FRYL: variants seen among roughly 807,000 people sequenced by gnomAD.
The protein encoded by FRYL is FRY like transcription coactivator, also known as protein furry homolog-like.
In FRYL, 150 loss-of-function variants were observed where a neutral mutation model predicts 351.2. The observed-to-expected ratio is 0.43, with a 90% CI of 0.37 to 0.49. FRYL has a LOEUF of 0.49. FRYL is among the 20% of genes least tolerant of loss of function. FRYL has a pLI of 0.00. For missense variants in FRYL, 3,036 were observed against 3,619.3 expected (o/e 0.84, Z 4.13); for synonymous variants, 1,153 against 1,257.1 (o/e 0.92, Z 1.75).
intron 53 of FRYL, among the ~76,000 whole-genome samples, chr4:48,525,766 A>G (rs1471072876): frequency 6.6e-6 from 1 of 151,944 alleles, no homozygotes; most frequent in Admixed American, 6.6e-5. Context: ...GATGTGTATG[A>G]TCTGTATGAG....
chr4:48,744,221 T>G (rs2149653270), intron 1 of FRYL, among the ~76,000 whole-genome samples: 1 of 152,300 alleles, frequency 6.6e-6, no homozygotes, highest in South Asian at 2.1e-4. Context: ...AATTAGACAT[T>G]GGTGATAGTT....
At chr4:48,713,775 T>C (rs559663670) in intron 1 of FRYL, among the ~76,000 whole-genome samples, 44 of 152,272 alleles carry the variant, frequency 2.9e-4, no homozygotes, top group African/African-American at 6.3e-4. Context: ...GCAGACCTAA[T>C]AGACATCGAC....
intron 3 of FRYL, among the ~76,000 whole-genome samples, chr4:48,671,879 A>AAC (rs1762809164): frequency 2.0e-5 from 3 of 146,538 alleles, no homozygotes; most frequent in East Asian, 2.0e-4. Context: ...AAAACAAAAA[A>AAC]AAAAAAAAAA....
intron 3 of FRYL, among the ~76,000 whole-genome samples, chr4:48,642,255 A>ACTTG (rs1230389408): frequency 2.6e-5 from 4 of 152,278 alleles, no homozygotes; most frequent in African/African-American, 4.8e-5. Context: ...TTTCAAGCTT[A>ACTTG]TGCATGCCTT....
Position 48,497,903 on chromosome 4 carries a change from C to A in FRYL, c.*1519G>T, listed in dbSNP as rs932072884. The A allele has an allele frequency of 6.6e-6, 1 of 152,546 alleles. No homozygotes were observed. The highest frequency in any genetic ancestry group is 2.4e-5 in the African/African-American group (1 of 41,424). The allele number at this position is 152,546 out of a possible 1,614,324, so 9.4% of individuals were successfully genotyped here. A position where few individuals can be genotyped will look rare whatever the true frequency, so the allele number is the denominator to read the frequency against. Reference sequence around the variant, plus strand: ...CACTTGAGCATACGTAATTACATTTCTGGCAGGGTCCACACCCCCCAAGAA... The same window carrying A: ...CACTTGAGCATACGTAATTACATTTATGGCAGGGTCCACACCCCCCAAGAA... On this transcript the variant is annotated 3_prime_UTR_variant, in exon 64 of 64. Transcript: ENST00000358350.
chr4:48,676,133 G>A (rs1469679301), intron 3 of FRYL, among the ~76,000 whole-genome samples: 1 of 152,130 alleles, frequency 6.6e-6, no homozygotes, highest in African/African-American at 2.4e-5. Flanking sequence ...ATGTGGGTGG[G>A]GCCAGATAAG....
chr4:48,609,920 T>A, intron 7 of FRYL, 97 bp from the exon 8 acceptor site: 1 of 565,748 alleles, frequency 1.8e-6, no homozygotes, highest in Non-Finnish European at 3.1e-6. Context: ...TCAATCTTAA[T>A]GTTCATGGGA....
In FRYL at chr4:48,764,450, G is replaced by C. The variant is rs182045646; in HGVS notation, c.-384+15628C>G. On this transcript the variant is annotated intron_variant, in intron 1 of 63. Coordinates refer to ENST00000358350, the MANE Select transcript of FRYL (RefSeq NM_015030.2). ...GGAGGCTGACACAGGAGGATCACTT[G>C]AGCCCAGGAGGTCAAGGCTCCAGTG... is the stretch of plus-strand genomic sequence containing the variant. Among the ~76,000 whole-genome samples, 568 of 151,410 alleles carry C rather than the reference G, an allele frequency of 3.8e-3. 2 individuals carry two copies. Among genetic ancestry groups the C allele is most frequent in the Non-Finnish European group, 6.8e-3 (465 of 67,892 alleles).
At chr4:48,685,364 T>C (rs1765042918) in intron 2 of FRYL, among the ~76,000 whole-genome samples, 1 of 152,178 alleles carries the variant, frequency 6.6e-6, no homozygotes, top group Non-Finnish European at 1.5e-5. Context: ...TGTGACCATA[T>C]CTCTTAAATA....
intron 3 of FRYL, among the ~76,000 whole-genome samples, chr4:48,659,538 G>A (rs1199217296): frequency 1.0e-3 from 1 of 980 alleles, no homozygotes; most frequent in African/African-American, 1.1e-3. Flanking sequence ...AAGGAGAAGA[G>A]GGAGAAGGAG....
At chr4:48,516,291 T>C (rs1723580046) in intron 55 of FRYL, among the ~76,000 whole-genome samples, 1 of 152,208 alleles carries the variant, frequency 6.6e-6, no homozygotes, top group African/African-American at 2.4e-5. Context: ...CTATCCACCG[T>C]AATGTTACTG....
chr4:48,553,324 C>T lies in FRYL; in HGVS notation c.4326G>A (p.Leu1442=). The change falls in exon 36 of 64, where the codon CTG becomes CTA. Residue 1442 remains leucine, a synonymous_variant. Coordinates refer to ENST00000358350, the MANE Select transcript of FRYL (RefSeq NM_015030.2). ...RDKTMQLLEE[L]VSELQLTDPV... ...GATCGGTCAGCTGAAGCTCACTCAC[C>T]AGCTCTTCTAGCAACTGCATTGTTT... 2 of 1,612,676 alleles carry T rather than the reference C, an allele frequency of 1.2e-6. No individual in the cohort carries two copies. The highest frequency in any genetic ancestry group is 1.7e-6 in the Non-Finnish European group (2 of 1,178,962).
At chr4:48,737,543 A>C (rs528082557) in intron 1 of FRYL, among the ~76,000 whole-genome samples, 1 of 152,316 alleles carries the variant, frequency 6.6e-6, no homozygotes, top group South Asian at 2.1e-4. Flanking sequence ...AATTCTACCA[A>C]ACTTTTAAAA....
At chr4:48,512,823 A>G in intron 56 of FRYL, 135 bp from the exon 57 acceptor site, 1 of 623,990 alleles carries the variant, frequency 1.6e-6, no homozygotes, top group Non-Finnish European at 2.8e-6. Context: ...AATGTACAAC[A>G]ACCTAAATCT....
intron 1 of FRYL, among the ~76,000 whole-genome samples, chr4:48,711,010 T>C (rs1430837263): frequency 6.6e-6 from 1 of 152,062 alleles, no homozygotes; most frequent in Admixed American, 6.5e-5. Flanking sequence ...TACCTTGCCA[T>C]GAAAAGGAAT....
At position 48,531,762 on chromosome 4, in the gene FRYL, A is replaced by T. The variant is rs191724631; in HGVS notation, c.6706-409T>A. On this transcript the variant is annotated intron_variant, in intron 49 of 63. Transcript: ENST00000358350. ...GTATTTTAAGTCTTTGCAGATAAAAATTTTTTAACGAATACCTTCCTTTTT... is the reference window on the plus strand; with the variant it reads ...GTATTTTAAGTCTTTGCAGATAAAATTTTTTTAACGAATACCTTCCTTTTT... 1.6e-3 allele frequency among the ~76,000 whole-genome samples: 251 copies of T among 152,336 alleles called. 1 individual carries two copies. The highest frequency in any genetic ancestry group is 5.6e-3 in the African/African-American group (234 of 41,594).
rs750449766 is a variant in FRYL at position 48,557,591 on chromosome 4, T to C, written c.3987A>G (p.Arg1329=). 7 of 1,614,216 alleles carry C rather than the reference T, an allele frequency of 4.3e-6. No individual in the cohort carries two copies. Among genetic ancestry groups the C allele is most frequent in the Middle Eastern group, 1.6e-4 (1 of 6,062 alleles). ...VDLKPLPTAR[R]HDEDEDDSLK... ...AGGAATCATCTTCATCTTCATCATG[T>C]CGCCTTGCTGTGGGGAGAGGTTTTA... Residue 1329 remains arginine (R), a synonymous_variant, in exon 34 of 64, where the codon CGA becomes CGG. Coordinates refer to ENST00000358350, the MANE Select transcript of FRYL (RefSeq NM_015030.2).
chr4:48,744,616 T>C (rs2149654052), intron 1 of FRYL, among the ~76,000 whole-genome samples: 1 of 152,272 alleles, frequency 6.6e-6, no homozygotes, highest in Middle Eastern at 3.4e-3. Flanking sequence ...AGAGATCAAC[T>C]AAAAACTGCA....
rs754723445 is a variant in FRYL, at chr4:48,521,123, C to T, written c.7614G>A (p.Glu2538=). 2 of 1,613,670 alleles carry T rather than the reference C, an allele frequency of 1.2e-6. No homozygotes were observed. The highest frequency in any genetic ancestry group is 4.5e-5 in the East Asian group (2 of 44,888). The stretch of plus-strand genomic sequence containing the variant: ...TCTCATCCCTGATTTGAAGCACTTC[C>T]TCTGTTGTGATGCTGCCAGTGGAAT... ...SEDSTGSITT[E]EVLQIRDETP... The change falls in exon 55 of 64, where the codon GAG becomes GAA. Residue 2538 remains glutamate (E), a synonymous_variant. Transcript: ENST00000358350.
Sources: gnomAD v4.1 joint callset for allele counts (sites outside exome capture counted in the v4.1 genomes callset) on GRCh38, gnomAD v4.1.1 for gene constraint, MANE v1.5 for transcripts, NCBI Gene and HGNC (gene_info 2026-07-23, HGNC 2026-07-21) for gene names.